GSG1L: variants seen among roughly 807,000 people sequenced by gnomAD.
GSG1L encodes the protein GSG1 like.
GSG1L carries 24 observed loss-of-function variants against 42.1 expected under a neutral mutation model. The observed-to-expected ratio is 0.57, with a 90% CI of 0.41 to 0.80. GSG1L has a LOEUF of 0.80. Ranked by LOEUF, GSG1L falls within the 30% of genes least tolerant of loss-of-function variation. The pLI is 0.00. For synonymous variants in GSG1L, 215 were observed against 203.5 expected (o/e 1.06, Z -0.48); for missense variants, 445 against 472.2 (o/e 0.94, Z 0.53).
rs1270558536 is a variant in GSG1L at position 27,935,494 on chromosome 16, C to T, written c.397+27662G>A. On this transcript the variant is annotated intron_variant, in intron 2 of 6. Coordinates refer to ENST00000447459, the MANE Select transcript of GSG1L (RefSeq NM_001109763.2). ...TTAGCGTTAGGCTCTCGGCTATACG[C>T]TAGAGACAGACGTGAAGAAGTCCTG... Among the ~76,000 whole-genome samples the T allele has an allele frequency of 5.2e-5, 7 of 135,194 alleles. No individual in the cohort carries two copies. In the East Asian group the frequency reaches 1.4e-3, roughly 27 times the overall value. 88.7% of individuals were successfully genotyped at this position (135,194 alleles called of 152,430 possible).
chr16:27,991,206 C>T (rs1355840835), intron 1 of GSG1L, among the ~76,000 whole-genome samples: 2 of 152,086 alleles, frequency 1.3e-5, no homozygotes, highest in South Asian at 2.1e-4. Flanking sequence ...TATTATTTGC[C>T]TACAATTTGG....
chr16:27,827,363 T>G (rs552696260), intron 5 of GSG1L, among the ~76,000 whole-genome samples: 60 of 152,038 alleles, frequency 3.9e-4, no homozygotes, highest in African/African-American at 1.4e-3. Context: ...TCAGAGAGAG[T>G]AACAGCCTGT....
At chr16:27,998,452 C>T (rs1038029716) in intron 1 of GSG1L, 11 of 152,280 alleles carry the variant, frequency 7.2e-5, no homozygotes, top group Admixed American at 7.2e-4. Context: ...AGCACAGATA[C>T]CCTATATCCC....
At chr16:27,970,974 G>A (rs76932959) in intron 1 of GSG1L, among the ~76,000 whole-genome samples, 17 of 152,228 alleles carry the variant, frequency 1.1e-4, no homozygotes, top group African/African-American at 3.6e-4. Flanking sequence ...AAGTAAAAGC[G>A]TTTATTTTAT....
At chr16:27,960,579 G>C (rs1203396734) in intron 2 of GSG1L, among the ~76,000 whole-genome samples, 1 of 152,186 alleles carries the variant, frequency 6.6e-6, no homozygotes, top group Non-Finnish European at 1.5e-5. Flanking sequence ...GTGCGGCTGG[G>C]AACAAGTCCC....
intron 2 of GSG1L, among the ~76,000 whole-genome samples, chr16:27,885,113 A>T (rs1210772703): frequency 1.3e-5 from 2 of 152,040 alleles, no homozygotes; most frequent in Non-Finnish European, 2.9e-5. Flanking sequence ...GTTACCTCCA[A>T]CTATACATTT....
chr16:28,015,371 G>A (rs1275956414), intron 1 of GSG1L, among the ~76,000 whole-genome samples: 2 of 152,152 alleles, frequency 1.3e-5, no homozygotes, highest in African/African-American at 2.4e-5. Context: ...CAGCTGTGTC[G>A]GTGCATGGCT....
At position 28,059,427 on chromosome 16, in the gene GSG1L, C is replaced by G. The variant is rs1163087775; in HGVS notation, c.349+3649G>C. ...CCTGGGACTGGTCTCTCTCTTCTCT[C>G]TCCAGTCTCACCTCCCTCCTGCCAG... On this transcript the variant is annotated intron_variant, in intron 1 of 6. Transcript: ENST00000447459. The surrounding 1 kb of genome is among the most constrained non-coding windows in gnomAD (Gnocchi z 4.4). Among the ~76,000 whole-genome samples, 2 of 152,098 alleles carry G rather than the reference C, an allele frequency of 1.3e-5. No individual in the cohort carries two copies.
chr16:27,859,513 G>A (rs539386878), intron 3 of GSG1L, among the ~76,000 whole-genome samples: 19 of 152,302 alleles, frequency 1.2e-4, no homozygotes, highest in African/African-American at 4.3e-4. Context: ...AGAGGGCAGG[G>A]CCCTGGCAGC....
rs80336198 is a variant in GSG1L, at chr16:27,891,189, C to T, written c.398-6551G>A. On this transcript the variant is annotated intron_variant, in intron 2 of 6. Transcript: ENST00000447459. ...GGGTGCCACTGGGGGCTGTGAGCTA[C>T]GCATTCCTGTTTCCCACCAGGGGAC... 7.2e-4 allele frequency among the ~76,000 whole-genome samples: 110 copies of T among 152,316 alleles called. 1 individual carries two copies. Among genetic ancestry groups the T allele is most frequent in the East Asian group, 6.8e-3 (35 of 5,176 alleles).
chr16:27,879,031 T>C (rs1055408788), intron 3 of GSG1L, among the ~76,000 whole-genome samples: 41 of 150,218 alleles, frequency 2.7e-4, no homozygotes, highest in African/African-American at 9.0e-4. Context: ...TTTGATCAGA[T>C]ATCAAGGCTG....
chr16:28,051,703 G>A (rs2086223981), intron 1 of GSG1L, among the ~76,000 whole-genome samples: 1 of 152,190 alleles, frequency 6.6e-6, no homozygotes, highest in Non-Finnish European at 1.5e-5. Flanking sequence ...GCCTGGAGGT[G>A]TGTGTGCAAG....
intron 2 of GSG1L, among the ~76,000 whole-genome samples, chr16:27,944,246 G>A (rs947203934): frequency 6.6e-6 from 1 of 152,048 alleles, no homozygotes; most frequent in African/African-American, 2.4e-5. Flanking sequence ...TTTTAAAAAG[G>A]TTTTAAAAAT....
At chr16:27,926,362 G>T (rs928765209) in intron 2 of GSG1L, among the ~76,000 whole-genome samples, 3 of 152,164 alleles carry the variant, frequency 2.0e-5, no homozygotes, top group Admixed American at 6.5e-5. Flanking sequence ...GTGGGTGGAG[G>T]CGGCAGACAA....
chr16:27,938,371 G>C (rs951300358), intron 2 of GSG1L, among the ~76,000 whole-genome samples: 1 of 141,424 alleles, frequency 7.1e-6, no homozygotes, highest in African/African-American at 2.6e-5. Context: ...CTGGATGACA[G>C]AGCGAGACTC....
intron 5 of GSG1L, among the ~76,000 whole-genome samples, chr16:27,822,100 C>T (rs1478773373): frequency 1.5e-5 from 2 of 131,158 alleles, no homozygotes; most frequent in Non-Finnish European, 3.2e-5. Flanking sequence ...GTGAGGGGGG[C>T]GGGGGCAGGG....
In GSG1L at chr16:28,055,754, G is replaced by T. The variant is rs532901839; in HGVS notation, c.349+7322C>A. Among the ~76,000 whole-genome samples, 4 of 152,296 alleles carry T rather than the reference G, an allele frequency of 2.6e-5. No individual in the cohort carries two copies. The East Asian group carries it at 7.7e-4, about 29-fold the overall frequency. Reference sequence around the variant, plus strand: ...CAAAGTGCTGGGATTACAGGCATGAGCCACCACGCCCGGCCCATTCCCCTT... The same window carrying T: ...CAAAGTGCTGGGATTACAGGCATGATCCACCACGCCCGGCCCATTCCCCTT... On this transcript the variant is annotated intron_variant, in intron 1 of 6. Coordinates refer to ENST00000447459, the MANE Select transcript of GSG1L (RefSeq NM_001109763.2).
intron 2 of GSG1L, among the ~76,000 whole-genome samples, chr16:27,896,594 C>T (rs998417177): frequency 2.6e-5 from 4 of 151,978 alleles, no homozygotes; most frequent in Non-Finnish European, 5.9e-5. Context: ...AGTCAAAGGT[C>T]GAAGGCATAG....
chr16:28,045,145 GTCAT>G (rs1266560576), intron 1 of GSG1L, among the ~76,000 whole-genome samples: 3 of 152,196 alleles, frequency 2.0e-5, no homozygotes, highest in Non-Finnish European at 4.4e-5. Context: ...GTGGGTCCAT[GTCAT>G]TACACATTTG....
Sources: allele counts gnomAD v4.1 joint callset (sites outside exome capture counted in the v4.1 genomes callset), GRCh38; gene constraint gnomAD v4.1.1; non-coding constraint Gnocchi (gnomAD v3.1); transcripts MANE v1.5; gene names NCBI Gene and HGNC (gene_info 2026-07-23, HGNC 2026-07-21).